The following ATP13A3 variants were observed in gnomAD, a reference collection of about 807,000 sequenced individuals.
ATP13A3 encodes the protein ATPase 13A3.
ATP13A3 carries 59 observed loss-of-function variants against 158.1 expected under a neutral mutation model. The ratio of observed to expected loss-of-function variants is 0.37; its 90% confidence interval spans 0.30 to 0.46. The LOEUF is 0.46. ATP13A3 is among the 20% of genes least tolerant of loss of function. ATP13A3 has a pLI of 1.00. For synonymous variants in ATP13A3, 491 were observed against 504.3 expected, an observed-to-expected ratio of 0.97 and a Z score of 0.35; for missense variants, 1,166 against 1,525.2, an observed-to-expected ratio of 0.76 and a Z score of 3.92.
chr3:194,460,122 G>A (rs1719542016), intron 4 of ATP13A3, 151 bp from the exon 5 acceptor site: 1 of 645,940 alleles, frequency 1.5e-6, no homozygotes. Flanking sequence ...ACCATTTCAT[G>A]AGGATGCTTA....
chr3:194,409,816 G>T (rs554625058), intron 33 of ATP13A3, among the ~76,000 whole-genome samples: 1 of 145,122 alleles, frequency 6.9e-6, no homozygotes, highest in Non-Finnish European at 1.5e-5. Flanking sequence ...AATCACCTCC[G>T]ATTGAGAACC....
At chr3:194,416,855 T>C (rs113204422) in intron 31 of ATP13A3, among the ~76,000 whole-genome samples, 152 of 152,270 alleles carry the variant, frequency 1.0e-3, no homozygotes, top group African/African-American at 3.5e-3. Flanking sequence ...CTAAAACAAC[T>C]GTATTGAGTT....
At chr3:194,427,420 C>A (rs937514980) in intron 28 of ATP13A3, among the ~76,000 whole-genome samples, 168 bp from the exon 29 acceptor site, 3 of 151,952 alleles carry the variant, frequency 2.0e-5, no homozygotes, top group African/African-American at 7.3e-5. Context: ...TTTAAATAAT[C>A]TGTAAAAGTA....
At position 194,430,282 on chromosome 3, in the gene ATP13A3, A is replaced by G; in HGVS notation, c.2658T>C (p.Asn886=). 2 of 1,613,900 alleles carry G rather than the reference A, an allele frequency of 1.2e-6. No homozygotes were observed. Among genetic ancestry groups the G allele is most frequent in the South Asian group, 1.1e-5 (1 of 91,054 alleles). Reference sequence around the variant, plus strand: ...CAAAAACTATACTTACACCACAATCATTTGCGCCATCACCACACATCCCAA... The same window carrying G: ...CAAAAACTATACTTACACCACAATCGTTTGCGCCATCACCACACATCCCAA... ...YFVGMCGDGA[N]DCGALKRAHG... is the part of the protein sequence containing the mutation. The change falls in exon 25 of 34, where the codon AAT becomes AAC. Residue 886 remains asparagine, a synonymous_variant. Transcript: ENST00000645319.
chr3:194,412,207 G>A lies in ATP13A3; in HGVS notation c.3565C>T (p.Pro1189Ser). The A allele has an allele frequency of 6.5e-7, 1 of 1,536,204 alleles. No individual in the cohort carries two copies. The highest frequency in any genetic ancestry group is 1.2e-5 in the South Asian group (1 of 84,052). ...QGEYRFSTTQPPQESVDRWGK... is the reference protein window; with the variant it reads ...QGEYRFSTTQSPQESVDRWGK... ...AAGTGCTGAGTTCCAACCTGCGGTG[G>A]CTGTGTGGTGCTGAACCGATACTCT... Residue 1189 changes from proline to serine, a missense_variant, in exon 33 of 34, where the codon CCA becomes TCA. This residue lies in a region of ATP13A3 where 997 missense variants were observed against 1,341.2 expected (regional missense o/e 0.74). Transcript: ENST00000645319.
At chr3:194,483,849 T>C (rs1388686430) in intron 2 of ATP13A3, among the ~76,000 whole-genome samples, 1 of 152,210 alleles carries the variant, frequency 6.6e-6, no homozygotes, top group East Asian at 1.9e-4. Flanking sequence ...TAAAAAATGT[T>C]TTTAAAACTT....
Position 194,437,419 on chromosome 3 carries a change from C to G in ATP13A3, c.1891G>C (p.Ala631Pro). The G allele has an allele frequency of 6.2e-7, 1 of 1,614,164 alleles. No individual in the cohort carries two copies. Among genetic ancestry groups the G allele is most frequent in the Non-Finnish European group, 8.5e-7 (1 of 1,180,034 alleles). ...GIVRQFPFSS[A>P]LQRMSVVARV... ...GCAACCACACTCATACGTTGCAAAG[C>G]AGAAGAAAATGGGAACTGGCGAACA... Residue 631 changes from alanine (A) to proline (P), a missense_variant, in exon 19 of 34, where the codon GCT becomes CCT. Physicochemically the swap from Ala to Pro is conservative, Grantham distance 27. This residue lies in a region of ATP13A3 where 997 missense variants were observed against 1,341.2 expected (regional missense o/e 0.74). Transcript: ENST00000645319.
At chr3:194,437,044 A>T in intron 20 of ATP13A3, 51 bp downstream of exon 20, 1 of 1,578,584 alleles carries the variant, frequency 6.3e-7, no homozygotes. Context: ...CATGACTAAT[A>T]TAACCATAAA....
chr3:194,476,037 C>A (rs1423233087), intron 2 of ATP13A3, among the ~76,000 whole-genome samples: 2 of 152,146 alleles, frequency 1.3e-5, no homozygotes, highest in Non-Finnish European at 2.9e-5. Flanking sequence ...AAAACCAATT[C>A]TTACTCCACA....
At chr3:194,427,825 G>T (rs79892645) in intron 28 of ATP13A3, among the ~76,000 whole-genome samples, 1 of 151,856 alleles carries the variant, frequency 6.6e-6, no homozygotes, top group African/African-American at 2.4e-5. Context: ...TTCCTCTTAC[G>T]ATATTCACAA....
upstream of ATP13A3, among the ~76,000 whole-genome samples, chr3:194,489,980 C>T (rs1478521067): frequency 1.3e-5 from 2 of 152,148 alleles, no homozygotes; most frequent in Non-Finnish European, 2.9e-5. This position sits in a 1 kb window ranked among gnomAD's most constrained non-coding sequence, Gnocchi z 4.1. Flanking sequence ...AAGCCCACTG[C>T]TTCCCCCCTC....
intron 21 of ATP13A3, 95 bp downstream of exon 21, chr3:194,433,677 T>A (rs1054491395): frequency 3.4e-6 from 5 of 1,485,592 alleles, no homozygotes; most frequent in Non-Finnish European, 3.7e-6. Context: ...CTATAGACTA[T>A]ATAATATGAT....
At position 194,403,951 on chromosome 3, in the gene ATP13A3, C is replaced by A; in HGVS notation, c.*1968G>T. ...GGTGTCAAAAATAGCTCTTTATGATCATGCTCTTAAAGATGTTAAATACAA... is the reference window on the plus strand; with the variant it reads ...GGTGTCAAAAATAGCTCTTTATGATAATGCTCTTAAAGATGTTAAATACAA... On this transcript the variant is annotated 3_prime_UTR_variant, in exon 34 of 34. Transcript: ENST00000645319. 5 of 330,988 alleles carry A rather than the reference C, an allele frequency of 1.5e-5. No homozygotes were observed. The highest frequency in any genetic ancestry group is 4.4e-5 in the Admixed American group (1 of 22,838). The allele number at this position is 330,988 out of a possible 1,614,324, so 20.5% of individuals were successfully genotyped here.
At chr3:194,459,291 G>C (rs1719468660) in intron 6 of ATP13A3, 180 bp downstream of exon 6, 1 of 582,504 alleles carries the variant, frequency 1.7e-6, no homozygotes, top group African/African-American at 1.9e-5. Flanking sequence ...GCTGCGGTGG[G>C]ACTTATTTTA....
chr3:194,449,860 G>A (rs1718683814), intron 11 of ATP13A3, among the ~76,000 whole-genome samples: 1 of 151,994 alleles, frequency 6.6e-6, no homozygotes, highest in African/African-American at 2.4e-5. Context: ...CATTTTCTGT[G>A]GGAAAAGGCC....
chr3:194,410,835 G>A (rs1715354953), intron 33 of ATP13A3, among the ~76,000 whole-genome samples: 1 of 138,054 alleles, frequency 7.2e-6, no homozygotes, highest in Non-Finnish European at 1.5e-5. Flanking sequence ...AATACAATAC[G>A]AATATTTCAC....
At chr3:194,408,469 G>A (rs1044531558) in intron 33 of ATP13A3, among the ~76,000 whole-genome samples, 3 of 152,210 alleles carry the variant, frequency 2.0e-5, no homozygotes, top group Non-Finnish European at 4.4e-5. Context: ...TACGTAGCAA[G>A]CTGAGTTAAG....
chr3:194,432,435 A>T (rs1717293792), intron 21 of ATP13A3, among the ~76,000 whole-genome samples: 1 of 152,192 alleles, frequency 6.6e-6, no homozygotes, highest in Non-Finnish European at 1.5e-5. Context: ...CTTATTAAGG[A>T]GAAGCAGACA....
intron 4 of ATP13A3, among the ~76,000 whole-genome samples, chr3:194,460,411 A>T (rs1326463763): frequency 2.0e-5 from 3 of 152,178 alleles, no homozygotes. Flanking sequence ...ACAAGTAGCT[A>T]ATCTCTCAGG....
Sources: gnomAD v4.1 joint callset for allele counts (sites outside exome capture counted in the v4.1 genomes callset) on GRCh38, gnomAD v4.1.1 for gene constraint, gnomAD v4.1.1 regional missense constraint, Gnocchi (gnomAD v3.1) non-coding constraint, MANE v1.5 for transcripts, NCBI Gene and HGNC (gene_info 2026-07-23, HGNC 2026-07-21) for gene names.